ERICH3: variants seen among roughly 807,000 people sequenced by gnomAD.
ERICH3 encodes glutamate rich 3.
In ERICH3, 126 loss-of-function variants were observed where a neutral mutation model predicts 131.1. The ratio of observed to expected loss-of-function variants is 0.96; its 90% CI spans 0.83 to 1.11. The LOEUF (loss-of-function observed/expected upper bound fraction) is 1.11, where lower values mean the gene tolerates loss of function less well. ERICH3 is among the 50% of genes most tolerant of loss of function. ERICH3 has a pLI of 0.00. For synonymous variants in ERICH3, 695 were observed against 644.6 expected (o/e 1.08, Z -1.18); for missense variants, 2,050 against 1,810.7 (o/e 1.13, Z -2.40).
chr1:74,612,615 T>C lies in ERICH3; in HGVS notation c.1187+8A>G. ...TTGCCCTCTACCAAAGGACATTTGT[T>C]TCCATACTTGTAGCAAGGAGATGAT... is the stretch of plus-strand genomic sequence containing the variant. On this transcript the variant is annotated splice_region_variant and intron_variant, in intron 9 of 14. Coordinates refer to ENST00000326665, the MANE Select transcript of ERICH3 (RefSeq NM_001002912.5). The C allele has an allele frequency of 1.3e-6, 2 of 1,541,092 alleles. No homozygotes were observed. Among genetic ancestry groups the C allele is most frequent in the Non-Finnish European group, 1.8e-6 (2 of 1,129,794 alleles).
chr1:74,579,537 T>C, intron 12 of ERICH3: 1 of 985,396 alleles, frequency 1.0e-6, no homozygotes, highest in Non-Finnish European at 1.2e-6. Context: ...GTGTTGCCTA[T>C]TTCAGATTCA....
rs1396002874 is a variant in ERICH3 at position 74,571,136 on chromosome 1, G to A, written c.4574C>T (p.Pro1525Leu). Residue 1525 changes from proline (P) to leucine (L), a missense_variant, in exon 14 of 15, where the codon CCC (proline) becomes CTC (leucine). Pro to Leu is a moderately conservative substitution (Grantham distance 98, BLOSUM62 -3). Coordinates refer to ENST00000326665, the MANE Select transcript of ERICH3 (RefSeq NM_001002912.5). ...QGESETADVS[P>L]NNVQV is the part of the protein sequence containing the mutation. ...AGTCTCCTAGACCTGCACGTTGTTG[G>A]GGGAAACATCTGCAGTCTCGCTTTC... 3 of 1,613,456 alleles carry A rather than the reference G, an allele frequency of 1.9e-6. No individual in the cohort carries two copies. The highest frequency in any genetic ancestry group is 1.7e-5 in the Admixed American group (1 of 60,002).
rs183553374 is a variant in ERICH3 at position 74,637,904 on chromosome 1, C to A, written c.445-1466G>T. Among the ~76,000 whole-genome samples, 65 of 147,438 alleles carry A rather than the reference C, an allele frequency of 4.4e-4. 1 individual carries two copies. The highest frequency in any genetic ancestry group is 3.5e-3 in the Middle Eastern group (1 of 288). ...TCAGCCTGGGCCACAGAGTGGGATGCTGTCTCAGAAAAAAAAAAAAGATTA... is the reference window on the plus strand; with the variant it reads ...TCAGCCTGGGCCACAGAGTGGGATGATGTCTCAGAAAAAAAAAAAAGATTA... On this transcript the variant is annotated intron_variant, in intron 5 of 14. Transcript: ENST00000326665.
At chr1:74,571,049 C>G in intron 14 of ERICH3, 50 bp downstream of exon 14, 2 of 1,545,378 alleles carry the variant, frequency 1.3e-6, no homozygotes, top group Non-Finnish European at 8.7e-7. Flanking sequence ...GGAGGAGACC[C>G]ACCGCAGGGC....
chr1:74,589,761 C>T lies in ERICH3; in HGVS notation c.2046G>A (p.Glu682=), dbSNP rs1365354552. ...GTTTCCCGGACTTCTCAGATAAACCCTCTGCAATCTCTTGGGTTCCTTTCT... is the reference window on the plus strand; with the variant it reads ...GTTTCCCGGACTTCTCAGATAAACCTTCTGCAATCTCTTGGGTTCCTTTCT... ...GTEKGTQEIA[E]GLSEKSGKHV... is the part of the protein sequence containing the mutation. Residue 682 remains glutamate, a synonymous_variant, in exon 12 of 15, where the codon GAG becomes GAA. Transcript: ENST00000326665. 1.2e-6 allele frequency: 2 copies of T among 1,614,130 alleles called. No individual in the cohort carries two copies. Among genetic ancestry groups the T allele is most frequent in the Non-Finnish European group, 1.7e-6 (2 of 1,180,000 alleles).
rs777625447 is a variant in ERICH3, at chr1:74,571,224, T to C, written c.4486A>G (p.Thr1496Ala). The part of the protein sequence containing the change: ...LSPESLQAMA[T>A]LPVKPDFTET... ...GTGAAATCAGGCTTCACTGGAAGTG[T>C]TGCCATCGCCTGTAGACTCTCCGGA... Residue 1496 changes from threonine to alanine, a missense_variant, in exon 14 of 15, where the codon ACA becomes GCA. Coordinates refer to ENST00000326665, the MANE Select transcript of ERICH3 (RefSeq NM_001002912.5). The C allele has an allele frequency of 5.0e-6, 8 of 1,614,116 alleles. No individual in the cohort carries two copies. The East Asian group carries it at 1.1e-4, about 22-fold the overall frequency.
chr1:74,617,487 C>A (rs142904930), intron 8 of ERICH3, among the ~76,000 whole-genome samples: 38 of 152,224 alleles, frequency 2.5e-4, no homozygotes, highest in African/African-American at 8.9e-4. Context: ...TATGGTATAT[C>A]CATGTAATGG....
chr1:74,628,523 C>G lies in ERICH3; in HGVS notation c.819+3190G>C, dbSNP rs180927405. 2.4e-4 allele frequency among the ~76,000 whole-genome samples: 37 copies of G among 152,148 alleles called. 1 individual carries two copies. The East Asian group carries it at 6.6e-3, about 27-fold the overall frequency. On this transcript the variant is annotated intron_variant, in intron 7 of 14. Transcript: ENST00000326665. Reference sequence around the variant, plus strand: ...TACAGTATATAATACAAATAGCATACAAAATATGTGTTAATCGAATATTTA... The same window carrying G: ...TACAGTATATAATACAAATAGCATAGAAAATATGTGTTAATCGAATATTTA...
intron 11 of ERICH3, among the ~76,000 whole-genome samples, chr1:74,596,378 GAC>G (rs1647851957): frequency 6.6e-6 from 1 of 151,652 alleles, no homozygotes; most frequent in South Asian, 2.1e-4. Flanking sequence ...ATATTTATGA[GAC>G]ACAATGTGAT....
intron 9 of ERICH3, among the ~76,000 whole-genome samples, chr1:74,609,331 T>A (rs775569021): frequency 6.6e-6 from 1 of 152,042 alleles, no homozygotes; most frequent in Non-Finnish European, 1.5e-5. Flanking sequence ...CATGCCCTCC[T>A]TTTTCTCATC....
chr1:74,580,246 G>T (rs1647153819), intron 12 of ERICH3, among the ~76,000 whole-genome samples: 1 of 151,962 alleles, frequency 6.6e-6, no homozygotes, highest in African/African-American at 2.4e-5. Flanking sequence ...GCAATATATT[G>T]TGACTATTTT....
At chr1:74,613,319 A>G (rs1215557031) in intron 8 of ERICH3, among the ~76,000 whole-genome samples, 1 of 152,190 alleles carries the variant, frequency 6.6e-6, no homozygotes, top group Non-Finnish European at 1.5e-5. Flanking sequence ...GTTATTTTTC[A>G]ATCATGTGAA....
rs1303964729 is a variant in ERICH3, at chr1:74,572,901, C to T, written c.2809G>A (p.Val937Met). The T allele has an allele frequency of 6.2e-7, 1 of 1,614,004 alleles. No individual in the cohort carries two copies. Among genetic ancestry groups the T allele is most frequent in the Admixed American group, 1.7e-5 (1 of 60,008 alleles). Residue 937 changes from valine to methionine, a missense_variant, in exon 14 of 15, where the codon GTG becomes ATG. Val to Met is a conservative substitution (Grantham distance 21). Transcript: ENST00000326665. ...CTTTCTCCGACATCACTCACAGCCA[C>T]CCCACCCTCAGCCTCTCCCTCCTCC... ...TSEEGEAEGG[V>M]AVSDVGESEE...
At chr1:74,666,853 C>T (rs113113030) in intron 1 of ERICH3, among the ~76,000 whole-genome samples, 11 of 152,162 alleles carry the variant, frequency 7.2e-5, no homozygotes, top group Non-Finnish European at 2.9e-5. Flanking sequence ...GTTCAATGTA[C>T]TATTCAGCAA....
intron 1 of ERICH3, among the ~76,000 whole-genome samples, chr1:74,664,183 T>G (rs1339704252): frequency 6.6e-6 from 1 of 152,014 alleles, no homozygotes; most frequent in Non-Finnish European, 1.5e-5. Flanking sequence ...TAAATAGGAA[T>G]ATAATAAAAA....
At chr1:74,662,668 T>C (rs2100655279) in intron 1 of ERICH3, among the ~76,000 whole-genome samples, 1 of 152,278 alleles carries the variant, frequency 6.6e-6, no homozygotes, top group South Asian at 2.1e-4. Flanking sequence ...CAAAAGTTAA[T>C]TAGAGGCATT....
chr1:74,612,741 T>G lies in ERICH3; in HGVS notation c.1069A>C (p.Met357Leu). The change falls in exon 9 of 15, where the codon ATG (methionine) becomes CTG (leucine). Residue 357 changes from methionine to leucine, a missense_variant. Transcript: ENST00000326665. ...PFSLTFFLNG[M>L]QVNRLSSCCE... is the part of the protein sequence containing the mutation. Reference sequence around the variant, plus strand: ...CAGGAGCTTAACCTGTTCACCTGCATCCCATTCAGGAAAAAGGTGAGACTG... The same window carrying G: ...CAGGAGCTTAACCTGTTCACCTGCAGCCCATTCAGGAAAAAGGTGAGACTG... The G allele has an allele frequency of 6.2e-7, 1 of 1,602,962 alleles. No individual in the cohort carries two copies. The highest frequency in any genetic ancestry group is 8.5e-7 in the Non-Finnish European group (1 of 1,171,460).
Position 74,569,755 on chromosome 1 carries a change from T to C in ERICH3, c.*703A>G, listed in dbSNP as rs1460200900. 6.6e-6 allele frequency: 1 copy of C among 152,210 alleles called. No homozygotes were observed. Among genetic ancestry groups the C allele is most frequent in the East Asian group, 1.9e-4 (1 of 5,200 alleles). The allele number at this position is 152,210 out of a possible 1,614,324, so 9.4% of individuals were successfully genotyped here. On this transcript the variant is annotated 3_prime_UTR_variant, in exon 15 of 15. Transcript: ENST00000326665. ...AAAATGCTGGAAGCTACCATTTTAC[T>C]AGTCTACCCCAGAAAGCAGAACTAC...
intron 12 of ERICH3, among the ~76,000 whole-genome samples, chr1:74,584,190 C>G (rs1287174722): frequency 6.6e-6 from 1 of 152,156 alleles, no homozygotes; most frequent in Non-Finnish European, 1.5e-5. Context: ...GCATGGCCCA[C>G]AAAATACCAG....
Sources: allele counts gnomAD v4.1 joint callset (sites outside exome capture counted in the v4.1 genomes callset), GRCh38; gene constraint gnomAD v4.1.1; transcripts MANE v1.5; gene names NCBI Gene and HGNC (gene_info 2026-07-23, HGNC 2026-07-21).